The following MARCHF7 variants were observed in gnomAD, a reference collection of about 807,000 sequenced individuals.
MARCHF7 encodes the protein membrane associated ring-CH-type finger 7.
In MARCHF7, 20 loss-of-function variants were observed where a neutral mutation model predicts 76.5. The observed-to-expected ratio is 0.26, with a 90% CI of 0.18 to 0.38. The LOEUF is 0.38. Among genes scored for constraint, MARCHF7 ranks in the 10% least tolerant of loss-of-function variants. The pLI, the probability that MARCHF7 is intolerant of heterozygous loss-of-function variation, is 1.00. For missense variants in MARCHF7, 797 were observed against 812.9 expected (o/e 0.98, Z 0.24); for synonymous variants, 295 against 293.0 (o/e 1.01, Z -0.07).
intron 5 of MARCHF7, among the ~76,000 whole-genome samples, chr2:159,745,528 G>A (rs566367486): frequency 1.3e-4 from 20 of 152,200 alleles, no homozygotes; most frequent in South Asian, 6.2e-4. Flanking sequence ...GGTGGCACGC[G>A]CCTTGTAGTC....
chr2:159,719,835 CAA>C (rs1044276276), intron 3 of MARCHF7, among the ~76,000 whole-genome samples: 5 of 152,130 alleles, frequency 3.3e-5, no homozygotes, highest in African/African-American at 1.2e-4. Context: ...CTGAGATAAA[CAA>C]TATTTATGCA....
rs545109860 is a variant in MARCHF7 at position 159,712,972 on chromosome 2, C to T, written c.-143+366C>T. On this transcript the variant is annotated intron_variant, in intron 1 of 11. Coordinates refer to ENST00000409175, the MANE Select transcript of MARCHF7 (RefSeq NM_001282805.2). ...CTCCTTTGGCGCGGGGCGGCCTCCT[C>T]TTGGGCCGTGGGGCGGGGGGTCTTC... Among the ~76,000 whole-genome samples the T allele has an allele frequency of 2.8e-4, 42 of 152,216 alleles. No individual in the cohort carries two copies. In the East Asian group the frequency reaches 7.2e-3, roughly 26 times the overall value.
In MARCHF7 at chr2:159,712,541, A is replaced by G. The variant is rs1249834616; in HGVS notation, c.-208A>G. 3 of 152,446 alleles carry G rather than the reference A, an allele frequency of 2.0e-5. No individual in the cohort carries two copies. The highest frequency in any genetic ancestry group is 1.5e-5 in the Non-Finnish European group (1 of 68,156). 9.4% of individuals were successfully genotyped at this position (152,446 alleles called of 1,614,324 possible). On this transcript the variant is annotated 5_prime_UTR_variant, in exon 1 of 12. Transcript: ENST00000409175. ...CGGATCCGGGAGAGGGGCGGGCGCC[A>G]TTGTGCTTCGCTGCCGACTGCATTT...
chr2:159,721,616 G>T (rs919377166), intron 3 of MARCHF7, among the ~76,000 whole-genome samples: 1 of 152,200 alleles, frequency 6.6e-6, no homozygotes, highest in African/African-American at 2.4e-5. Flanking sequence ...GTCTGTGTGT[G>T]TGTGGCTTTG....
chr2:159,759,945 C>CA (rs1706822946), intron 9 of MARCHF7, among the ~76,000 whole-genome samples: 1 of 152,092 alleles, frequency 6.6e-6, no homozygotes, highest in Admixed American at 6.6e-5. Context: ...AAACAGAAAA[C>CA]AAAAACACTT....
intron 3 of MARCHF7, among the ~76,000 whole-genome samples, chr2:159,719,204 ATTC>A (rs904477842): frequency 2.0e-5 from 3 of 151,912 alleles, no homozygotes; most frequent in Non-Finnish European, 4.4e-5. Flanking sequence ...TGGTCTGCTT[ATTC>A]TTTTTTAAAA....
At chr2:159,733,068 AT>A in intron 4 of MARCHF7, 1 of 616,236 alleles carries the variant, frequency 1.6e-6, no homozygotes, top group Non-Finnish European at 2.0e-6. Flanking sequence ...TTTAGTTATA[AT>A]TATTTATAAT....
intron 4 of MARCHF7, chr2:159,733,121 A>G (rs1346412591): frequency 8.9e-6 from 6 of 672,398 alleles, no homozygotes; most frequent in Non-Finnish European, 1.1e-5. Context: ...CTGGCTTTAC[A>G]TTGGTTTAAG....
intron 3 of MARCHF7, among the ~76,000 whole-genome samples, chr2:159,718,797 C>G (rs918169005): frequency 1.3e-5 from 2 of 152,010 alleles, no homozygotes; most frequent in African/African-American, 4.8e-5. Context: ...ACCCCAAATT[C>G]TACTAGAGAT....
At chr2:159,744,561 C>A (rs577926845) in intron 5 of MARCHF7, among the ~76,000 whole-genome samples, 10 of 152,302 alleles carry the variant, frequency 6.6e-5, no homozygotes, top group Admixed American at 2.6e-4. Context: ...TGTGGTGACA[C>A]AATTGGAGGT....
At chr2:159,756,826 A>C (rs1706387718) in intron 8 of MARCHF7, among the ~76,000 whole-genome samples, 1 of 151,708 alleles carries the variant, frequency 6.6e-6, no homozygotes, top group Admixed American at 6.6e-5. Context: ...ATGTCAAAAG[A>C]GTTATTGTTC....
chr2:159,748,451 T>A lies in MARCHF7; in HGVS notation c.1161T>A (p.Ser387=). 3 of 1,614,180 alleles carry A rather than the reference T, an allele frequency of 1.9e-6. No individual in the cohort carries two copies. Among genetic ancestry groups the A allele is most frequent in the Non-Finnish European group, 2.5e-6 (3 of 1,180,024 alleles). ...SEGRNTGPWL[S]SSLRNRCTPL... ...GTAGAAATACAGGACCATGGTTATC[T>A]TCCTCACTTAGAAATAGATGCACAC... Residue 387 remains serine, a synonymous_variant, in exon 7 of 12, where the codon TCT becomes TCA. Transcript: ENST00000409175.
At chr2:159,719,156 T>G (rs1701351962) in intron 3 of MARCHF7, among the ~76,000 whole-genome samples, 1 of 152,170 alleles carries the variant, frequency 6.6e-6, no homozygotes, top group South Asian at 2.1e-4. Flanking sequence ...TTTTTTTGTA[T>G]TTTTAGTAAA....
intron 7 of MARCHF7, among the ~76,000 whole-genome samples, chr2:159,751,702 A>G (rs78802480): frequency 6.6e-6 from 1 of 152,320 alleles, no homozygotes; most frequent in African/African-American, 2.4e-5. Context: ...TTTAACAACT[A>G]CTTACCTTAT....
intron 9 of MARCHF7, among the ~76,000 whole-genome samples, chr2:159,761,868 ATAC>A (rs1339435138): frequency 6.6e-6 from 1 of 152,188 alleles, no homozygotes; most frequent in Admixed American, 6.5e-5. Context: ...ATTATTAATA[ATAC>A]TATATTTATG....
At chr2:159,724,153 C>G (rs1330143600) in intron 3 of MARCHF7, among the ~76,000 whole-genome samples, 1 of 152,082 alleles carries the variant, frequency 6.6e-6, no homozygotes, top group Non-Finnish European at 1.5e-5. Context: ...AATGTACTTG[C>G]TAGATTGGAA....
At chr2:159,727,141 G>A (rs1272155808) in intron 3 of MARCHF7, among the ~76,000 whole-genome samples, 1 of 152,176 alleles carries the variant, frequency 6.6e-6, no homozygotes, top group Non-Finnish European at 1.5e-5. Context: ...AAAAAGGAAG[G>A]AAATTCTGGC....
In MARCHF7 at chr2:159,739,880, G is replaced by A. The variant is rs1703924166; in HGVS notation, c.154-3181G>A. ...TATAGCCATATAATCTACATGTTGTGTCGTGAGTCATGAAAATTGTTTAAT... is the reference window on the plus strand; with the variant it reads ...TATAGCCATATAATCTACATGTTGTATCGTGAGTCATGAAAATTGTTTAAT... On this transcript the variant is annotated intron_variant, in intron 4 of 11. Transcript: ENST00000409175. Among the ~76,000 whole-genome samples the A allele has an allele frequency of 3.9e-5, 6 of 152,214 alleles. No homozygotes were observed. The South Asian group carries it at 1.2e-3, about 32-fold the overall frequency.
chr2:159,723,236 A>C (rs1408220671), intron 3 of MARCHF7, among the ~76,000 whole-genome samples: 1 of 152,218 alleles, frequency 6.6e-6, no homozygotes, highest in Admixed American at 6.5e-5. Context: ...TTTTAATGAA[A>C]TATTTTGTAT....
Sources: allele counts gnomAD v4.1 joint callset (sites outside exome capture counted in the v4.1 genomes callset), GRCh38; gene constraint gnomAD v4.1.1; transcripts MANE v1.5; gene names NCBI Gene and HGNC (gene_info 2026-07-23, HGNC 2026-07-21).